OLA1: variants seen among roughly 807,000 people sequenced by gnomAD.
The protein encoded by OLA1 is obg-like ATPase 1.
Under a neutral mutation model 48.4 loss-of-function variants are expected in OLA1, and 14 were observed. That is an observed-to-expected ratio of 0.29 (90% CI 0.19 to 0.45). The LOEUF is 0.45. Ranked by LOEUF, OLA1 falls within the 20% of genes least tolerant of loss-of-function variation. OLA1 has a pLI of 1.00. For missense variants in OLA1, 325 were observed against 467.1 expected (o/e 0.70, Z 2.80); for synonymous variants, 127 against 150.4 (o/e 0.84, Z 1.14).
intron 7 of OLA1, among the ~76,000 whole-genome samples, chr2:174,083,035 A>G (rs1684892368): frequency 6.6e-6 from 1 of 152,136 alleles, no homozygotes; most frequent in Non-Finnish European, 1.5e-5. Flanking sequence ...TAAAGAATTA[A>G]CAGCAGTTAC....
At chr2:174,080,507 C>T (rs892601303) in intron 9 of OLA1, among the ~76,000 whole-genome samples, 1 of 151,832 alleles carries the variant, frequency 6.6e-6, no homozygotes, top group Non-Finnish European at 1.5e-5. Context: ...TTCTATTGTC[C>T]TCTGGGAATA....
At chr2:174,198,894 G>C (rs953641719) in intron 4 of OLA1, among the ~76,000 whole-genome samples, 4 of 152,156 alleles carry the variant, frequency 2.6e-5, no homozygotes, top group Non-Finnish European at 5.9e-5. Context: ...TGGTACAAAA[G>C]TAATTGTGGG....
chr2:174,184,747 T>C (rs1024601768), intron 4 of OLA1, among the ~76,000 whole-genome samples: 7 of 152,290 alleles, frequency 4.6e-5, no homozygotes, highest in Middle Eastern at 6.8e-3. Context: ...CTGTGAAACT[T>C]TTCTGTAAAT....
At chr2:174,090,455 T>C (rs1685087753) in intron 7 of OLA1, among the ~76,000 whole-genome samples, 1 of 152,214 alleles carries the variant, frequency 6.6e-6, no homozygotes, top group Non-Finnish European at 1.5e-5. Flanking sequence ...TTAATCATAG[T>C]TCCCCATTCT....
chr2:174,219,871 C>T (rs915331917), intron 4 of OLA1, among the ~76,000 whole-genome samples: 3 of 152,186 alleles, frequency 2.0e-5, no homozygotes, highest in African/African-American at 4.8e-5. Context: ...GTGGCTCACA[C>T]CTGTAATCTC....
intron 2 of OLA1, among the ~76,000 whole-genome samples, chr2:174,235,215 G>A (rs945346190): frequency 2.0e-5 from 3 of 152,004 alleles, no homozygotes; most frequent in Non-Finnish European, 4.4e-5. Flanking sequence ...GTACCTCTAA[G>A]GCACACAGTT....
chr2:174,150,365 G>A (rs1013755293), intron 4 of OLA1, among the ~76,000 whole-genome samples: 1 of 152,204 alleles, frequency 6.6e-6, no homozygotes, highest in African/African-American at 2.4e-5. Flanking sequence ...CTCACCAGCT[G>A]CAGCCCGCTG....
intron 7 of OLA1, among the ~76,000 whole-genome samples, chr2:174,094,273 A>T (rs1481773044): frequency 2.0e-5 from 3 of 152,230 alleles, no homozygotes; most frequent in Non-Finnish European, 4.4e-5. Context: ...ACAAAGCATC[A>T]CTGAAAGAGA....
At chr2:174,182,865 C>T (rs1192114704) in intron 4 of OLA1, among the ~76,000 whole-genome samples, 1 of 152,136 alleles carries the variant, frequency 6.6e-6, no homozygotes, top group East Asian at 1.9e-4. Context: ...AACAAAACTG[C>T]CAGTTACTCC....
chr2:174,103,537 T>C (rs1478048266), intron 7 of OLA1, among the ~76,000 whole-genome samples: 2 of 152,194 alleles, frequency 1.3e-5, no homozygotes, highest in Non-Finnish European at 2.9e-5. Context: ...CCACCTGTGC[T>C]CTAAACTGTA....
At chr2:174,077,103 C>T (rs1684757680) in intron 10 of OLA1, among the ~76,000 whole-genome samples, 1 of 152,002 alleles carries the variant, frequency 6.6e-6, no homozygotes, top group Admixed American at 6.6e-5. Context: ...AAAATCAATA[C>T]CCATTTGTGA....
At chr2:174,134,710 G>T (rs182621763) in intron 5 of OLA1, among the ~76,000 whole-genome samples, 8 of 152,182 alleles carry the variant, frequency 5.3e-5, no homozygotes, top group South Asian at 2.1e-4. Context: ...TAGGGGTAAT[G>T]GTTGTACAAT....
At chr2:174,172,670 A>C (rs1439034607) in intron 4 of OLA1, 1 of 158,884 alleles carries the variant, frequency 6.3e-6, no homozygotes, top group East Asian at 1.8e-4. Context: ...GATGATATCC[A>C]AGGTCAGCAG....
At chr2:174,157,633 G>A (rs537124973) in intron 4 of OLA1, among the ~76,000 whole-genome samples, 209 of 152,222 alleles carry the variant, frequency 1.4e-3, no homozygotes, top group Admixed American at 4.2e-3. Context: ...TCAAGTAAAT[G>A]CCTGGCTGTT....
In OLA1 at chr2:174,091,869, C is replaced by CAAAAAAAA; in HGVS notation, c.729-9813_729-9806dup. On this transcript the variant is annotated intron_variant, in intron 7 of 10. Transcript: ENST00000284719. ...CCTGGGAGACAGCGAGACTCTGCCTCAAAAAAAAAAAAAAAAAAAAAAAAA... is the reference window on the plus strand; with the variant it reads ...CCTGGGAGACAGCGAGACTCTGCCTCAAAAAAAAAAAAAAAAAAAAAAAAAAAAAAAAA... 3.7e-3 allele frequency among the ~76,000 whole-genome samples: 84 copies of CAAAAAAAA among 22,980 alleles called. 35 individuals carry two copies. The highest frequency in any genetic ancestry group is 6.3e-3 in the Non-Finnish European group (65 of 10,400). The allele number at this position is 22,980 out of a possible 152,430, so 15.1% of individuals were successfully genotyped here.
chr2:174,246,165 T>C (rs1160054528), intron 2 of OLA1, among the ~76,000 whole-genome samples: 1 of 151,590 alleles, frequency 6.6e-6, no homozygotes, highest in African/African-American at 2.4e-5. Flanking sequence ...CTGGGCGTGG[T>C]GGTGCGCGCC....
At chr2:174,088,782 G>A (rs893560932) in intron 7 of OLA1, among the ~76,000 whole-genome samples, 4 of 151,712 alleles carry the variant, frequency 2.6e-5, no homozygotes, top group Non-Finnish European at 1.5e-5. Context: ...AGGCTGAGGC[G>A]GGAGGACTGC....
chr2:174,097,181 A>G (rs1268926635), intron 7 of OLA1, among the ~76,000 whole-genome samples: 1 of 152,170 alleles, frequency 6.6e-6, no homozygotes, highest in Non-Finnish European at 1.5e-5. Flanking sequence ...ATTTTAAAAA[A>G]TAAAAATCAG....
intron 5 of OLA1, among the ~76,000 whole-genome samples, chr2:174,129,241 G>C (rs767041408): frequency 1.4e-4 from 22 of 152,020 alleles, no homozygotes; most frequent in Non-Finnish European, 2.5e-4. Flanking sequence ...GGCGGATCAC[G>C]AGGTCAGGAG....
Sources: gnomAD v4.1 joint callset for allele counts (sites outside exome capture counted in the v4.1 genomes callset) on GRCh38, gnomAD v4.1.1 for gene constraint, MANE v1.5 for transcripts, NCBI Gene and HGNC (gene_info 2026-07-23, HGNC 2026-07-21) for gene names.